The following PTPRN2 variants were observed in gnomAD, a reference collection of about 807,000 sequenced individuals.
PTPRN2 encodes protein tyrosine phosphatase receptor type N2, also known as receptor-type tyrosine-protein phosphatase N2.
A neutral mutation model predicts 118.8 loss-of-function variants in PTPRN2; 74 were observed. The observed-to-expected ratio is 0.62, with a 90% CI of 0.52 to 0.76. The LOEUF (loss-of-function observed/expected upper bound fraction) is 0.76. Ranked by LOEUF, PTPRN2 falls within the 30% of genes least tolerant of loss-of-function variation. The pLI is 0.00. For synonymous variants in PTPRN2, 641 were observed against 608.0 expected (o/e 1.05, Z -0.80); for missense variants, 1,481 against 1,394.4 (o/e 1.06, Z -0.99).
At chr7:157,597,329 T>G (rs1801401564) in intron 16 of PTPRN2, among the ~76,000 whole-genome samples, 1 of 152,172 alleles carries the variant, frequency 6.6e-6, no homozygotes, top group African/African-American at 2.4e-5. Context: ...TTAGAATGTT[T>G]CAGTAGAAAA....
At chr7:157,745,081 G>C (rs959690542) in intron 12 of PTPRN2, among the ~76,000 whole-genome samples, 1 of 152,176 alleles carries the variant, frequency 6.6e-6, no homozygotes, top group Non-Finnish European at 1.5e-5. Context: ...GTTGGGTCAC[G>C]ATGCTCCCCT....
intron 12 of PTPRN2, among the ~76,000 whole-genome samples, chr7:157,803,371 TA>T (rs1805438929): frequency 6.6e-6 from 1 of 152,210 alleles, no homozygotes; most frequent in African/African-American, 2.4e-5. Context: ...CCACTCACCC[TA>T]CCTTTCGTGG....
chr7:158,045,765 T>C (rs1000291182), intron 11 of PTPRN2, among the ~76,000 whole-genome samples: 11 of 151,382 alleles, frequency 7.3e-5, no homozygotes, highest in Non-Finnish European at 1.3e-4. Flanking sequence ...CCTGGCATCC[T>C]GACACTGCCT....
chr7:158,503,515 G>A (rs139405779), intron 1 of PTPRN2, among the ~76,000 whole-genome samples: 1,829 of 152,270 alleles, frequency 0.012, 23 homozygotes, highest in Middle Eastern at 0.02. Flanking sequence ...GGAAGCATCC[G>A]TTCATTGCAC....
intron 10 of PTPRN2, among the ~76,000 whole-genome samples, chr7:158,092,355 T>C (rs1462951509): frequency 3.7e-5 from 3 of 81,670 alleles, no homozygotes; most frequent in African/African-American, 4.8e-5. Context: ...GGTGGGTGGG[T>C]AGAAGGATGG....
chr7:158,518,351 C>T (rs1017973490), intron 1 of PTPRN2, among the ~76,000 whole-genome samples: 3 of 151,920 alleles, frequency 2.0e-5, no homozygotes, highest in Non-Finnish European at 2.9e-5. Context: ...AGAGATGATA[C>T]GGATTTCACG....
chr7:157,803,029 A>G (rs1209289991), intron 12 of PTPRN2, among the ~76,000 whole-genome samples: 1 of 152,166 alleles, frequency 6.6e-6, no homozygotes, highest in African/African-American at 2.4e-5. Flanking sequence ...CAGTGGCACC[A>G]TCTCGGCTCA....
At chr7:158,468,942 G>T (rs76655028) in intron 2 of PTPRN2, among the ~76,000 whole-genome samples, 590 of 23,970 alleles carry the variant, frequency 0.025, 2 homozygotes, top group Middle Eastern at 0.069. Context: ...ATCAACAGTA[G>T]GCACACCCAC....
intron 2 of PTPRN2, among the ~76,000 whole-genome samples, chr7:158,333,938 G>GGTGACAA (rs1805050173): frequency 1.0e-4 from 6 of 59,112 alleles, no homozygotes; most frequent in African/African-American, 4.7e-4. Flanking sequence ...CACCATAAGA[G>GGTGACAA]CTGTCGCCCG....
chr7:158,376,496 C>G (rs1379544044), intron 2 of PTPRN2, among the ~76,000 whole-genome samples: 3 of 136,886 alleles, frequency 2.2e-5, no homozygotes, highest in African/African-American at 8.4e-5. Context: ...CAGTGGACTC[C>G]CCTACAGCCC....
At chr7:157,593,737 C>A (rs1801129737) in intron 17 of PTPRN2, among the ~76,000 whole-genome samples, 1 of 152,070 alleles carries the variant, frequency 6.6e-6, no homozygotes, top group Admixed American at 6.5e-5. Context: ...GACCTTCCTA[C>A]CACGAAACTC....
intron 3 of PTPRN2, among the ~76,000 whole-genome samples, chr7:158,299,743 ACTGCCACAGAGCTCC>A (rs1169647548): frequency 6.6e-6 from 1 of 152,058 alleles, no homozygotes; most frequent in Non-Finnish European, 1.5e-5. Flanking sequence ...TTCATCCTTC[ACTGCCACAGAGCTCC>A]CTCACCTCCC....
chr7:157,606,890 T>C (rs1026841187), intron 15 of PTPRN2, among the ~76,000 whole-genome samples: 27 of 152,358 alleles, frequency 1.8e-4, no homozygotes, highest in African/African-American at 6.5e-4. Context: ...CCAGGTTGGA[T>C]GCTGTCCTGA....
At chr7:158,049,728 C>T (rs1809182956) in intron 11 of PTPRN2, among the ~76,000 whole-genome samples, 1 of 152,192 alleles carries the variant, frequency 6.6e-6, no homozygotes, top group African/African-American at 2.4e-5. Context: ...TGGTGAAATC[C>T]TGTCTCTACT....
At chr7:158,272,941 A>G (rs545515851) in intron 3 of PTPRN2, among the ~76,000 whole-genome samples, 1 of 152,322 alleles carries the variant, frequency 6.6e-6, no homozygotes, top group Non-Finnish European at 1.5e-5. Flanking sequence ...CTCTGCTGAC[A>G]GTCCCACGGT....
intron 11 of PTPRN2, among the ~76,000 whole-genome samples, chr7:157,935,311 G>A (rs1473801381): frequency 8.5e-5 from 13 of 152,100 alleles, no homozygotes; most frequent in Non-Finnish European, 1.9e-4. Flanking sequence ...GAGGCCACCT[G>A]GGCTCTTTTT....
intron 3 of PTPRN2, among the ~76,000 whole-genome samples, chr7:158,305,336 T>C (rs1323907503): frequency 6.6e-6 from 1 of 151,270 alleles, no homozygotes; most frequent in African/African-American, 2.4e-5. Context: ...ACAGAAAAAA[T>C]AGGGATTCAT....
At chr7:157,613,684 G>T (rs1328907897) in intron 15 of PTPRN2, among the ~76,000 whole-genome samples, 1 of 152,164 alleles carries the variant, frequency 6.6e-6, no homozygotes, top group Non-Finnish European at 1.5e-5. Flanking sequence ...ACCCTCTCCC[G>T]ACACCGGCCT....
Position 158,276,304 on chromosome 7 carries a change from G to A in PTPRN2, c.277+40515C>T, listed in dbSNP as rs562813015. The stretch of plus-strand genomic sequence containing the variant: ...CTGTAAGGCAGCACCCCCACACCCC[G>A]GCCCCGACAGGCTGTAATGTATCAC... On this transcript the variant is annotated intron_variant, in intron 3 of 22. Coordinates refer to ENST00000389418, the MANE Select transcript of PTPRN2 (RefSeq NM_002847.5). Among the ~76,000 whole-genome samples, 76 of 39,164 alleles carry A rather than the reference G, an allele frequency of 1.9e-3. 5 individuals carry two copies. Among genetic ancestry groups the A allele is most frequent in the African/African-American group, 5.3e-3 (74 of 14,062 alleles). 25.7% of individuals were successfully genotyped at this position (39,164 alleles called of 152,430 possible). A position where few individuals can be genotyped will look rare whatever the true frequency, so the allele number is the denominator to read the frequency against.
Sources: gnomAD v4.1 joint callset for allele counts (sites outside exome capture counted in the v4.1 genomes callset) on GRCh38, gnomAD v4.1.1 for gene constraint, MANE v1.5 for transcripts, NCBI Gene and HGNC (gene_info 2026-07-23, HGNC 2026-07-21) for gene names.